NAA15: variants seen among roughly 807,000 people sequenced by gnomAD.
NAA15 encodes the protein N-alpha-acetyltransferase 15, NatA auxiliary subunit.
In NAA15, 34 loss-of-function variants were observed where a neutral mutation model predicts 114.0. That is an observed-to-expected ratio of 0.30 (90% CI 0.23 to 0.40). The LOEUF is 0.40. NAA15 is among the 10% of genes least tolerant of loss of function. The pLI is 1.00. For missense variants in NAA15, 658 were observed against 1,004.5 expected, an observed-to-expected ratio of 0.66 and a Z score of 4.66; for synonymous variants, 340 against 338.0, an observed-to-expected ratio of 1.01 and a Z score of -0.06.
intron 1 of NAA15, among the ~76,000 whole-genome samples, chr4:139,310,410 C>A (rs1205656259): frequency 2.7e-5 from 4 of 148,168 alleles, no homozygotes; most frequent in Non-Finnish European, 6.0e-5. Flanking sequence ...GCCGAGATCC[C>A]GCCACTGCAC....
chr4:139,354,090 A>AC lies in NAA15; in HGVS notation c.1083dup (p.Asn362GlnfsTer2). ...TCTCTAAAAAGCTGCCGGTTATTTA[A>AC]CCCCAATGGTAAGTCCTCAAGTTTT... On this transcript the variant is annotated frameshift_variant, in exon 10 of 20. Transcript: ENST00000296543. LOFTEE classifies it high-confidence loss of function. 6.2e-7 allele frequency: 1 copy of AC among 1,612,910 alleles called. No homozygotes were observed. The highest frequency in any genetic ancestry group is 8.5e-7 in the Non-Finnish European group (1 of 1,179,114).
At chr4:139,383,258 A>C (rs1231001292) in intron 17 of NAA15, among the ~76,000 whole-genome samples, 1 of 152,200 alleles carries the variant, frequency 6.6e-6, no homozygotes, top group Non-Finnish European at 1.5e-5. Flanking sequence ...TTTAGATTAG[A>C]TATCACCCCA....
chr4:139,315,001 T>TTAGGTTAGGTTAGGTTAGGTTAGGTTAGG (rs1181192026), intron 1 of NAA15, among the ~76,000 whole-genome samples: 1 of 74,356 alleles, frequency 1.3e-5, no homozygotes. Flanking sequence ...TTCAGTTCAG[T>TTAGGTTAGGTTAGGTTAGGTTAGGTTAGG]TTAGTTTAGG....
chr4:139,348,340 G>C (rs1560968646), intron 6 of NAA15, among the ~76,000 whole-genome samples: 1 of 151,806 alleles, frequency 6.6e-6, no homozygotes, highest in Non-Finnish European at 1.5e-5. Flanking sequence ...TGTAGTTCCA[G>C]CTACTAGGGA....
At chr4:139,302,135 C>G (rs1381899857) in intron 1 of NAA15, 2 of 330,696 alleles carry the variant, frequency 6.0e-6, no homozygotes, top group East Asian at 9.6e-5. Flanking sequence ...AGAAGAGGCC[C>G]GGCCTTTGGC....
chr4:139,326,871 G>A (rs1470187884), intron 1 of NAA15, among the ~76,000 whole-genome samples: 1 of 152,064 alleles, frequency 6.6e-6, no homozygotes, highest in Non-Finnish European at 1.5e-5. Flanking sequence ...TTTAGTTTAG[G>A]TATGTCATTA....
Position 139,386,249 on chromosome 4 carries a change from T to A in NAA15, c.2400+19T>A. ...CCTCCAGGTAAAGAGTTTTTCATAATCTCTCTGTAAGAATACTTAACTACT... is the reference window on the plus strand; with the variant it reads ...CCTCCAGGTAAAGAGTTTTTCATAAACTCTCTGTAAGAATACTTAACTACT... On this transcript the variant is annotated intron_variant, in intron 19 of 19. Coordinates refer to ENST00000296543, the MANE Select transcript of NAA15 (RefSeq NM_057175.5). 7.1e-7 allele frequency: 1 copy of A among 1,411,520 alleles called. No homozygotes were observed. The highest frequency in any genetic ancestry group is 1.0e-6 in the Non-Finnish European group (1 of 1,004,080). 87.4% of individuals were successfully genotyped at this position (1,411,520 alleles called of 1,614,324 possible).
At chr4:139,352,662 CTTTTTTTTT>C (rs746490411) in intron 9 of NAA15, among the ~76,000 whole-genome samples, 1 of 103,290 alleles carries the variant, frequency 9.7e-6, no homozygotes, top group Non-Finnish European at 1.9e-5. Context: ...CATAAAATAT[CTTTTTTTTT>C]TTTTTTTTTT....
chr4:139,350,334 T>A (rs1747735594), intron 7 of NAA15, among the ~76,000 whole-genome samples: 1 of 152,204 alleles, frequency 6.6e-6, no homozygotes, highest in Non-Finnish European at 1.5e-5. Context: ...AAAGCAAGAA[T>A]AAGCTCTGTG....
intron 1 of NAA15, among the ~76,000 whole-genome samples, chr4:139,315,905 A>G (rs1420480333): frequency 3.4e-5 from 5 of 149,094 alleles, no homozygotes; most frequent in Admixed American, 1.3e-4. Context: ...GGTTTCTTCT[A>G]TTTGGTTTAT....
Position 139,351,222 on chromosome 4 carries a change from G to C in NAA15, c.843G>C (p.Glu281Asp). 1.2e-6 allele frequency: 2 copies of C among 1,603,042 alleles called. No homozygotes were observed. The highest frequency in any genetic ancestry group is 1.7e-6 in the Non-Finnish European group (2 of 1,174,062). ...ANMLERLKIY[E>D]EAWTKYPRGL... ...TGTTAGAACGGCTAAAAATTTATGA[G>C]GAAGCCTGGACTAAATATCCCAGGG... The change falls in exon 8 of 20, where the codon GAG (glutamate) becomes GAC (aspartate). Residue 281 changes from glutamate to aspartate, a missense_variant. Glu to Asp is a conservative substitution (Grantham distance 45, BLOSUM62 2). Coordinates refer to ENST00000296543, the MANE Select transcript of NAA15 (RefSeq NM_057175.5).
intron 10 of NAA15, 114 bp from the exon 11 acceptor site, chr4:139,357,272 T>C: frequency 1.2e-6 from 1 of 853,598 alleles, no homozygotes; most frequent in South Asian, 1.6e-5. Flanking sequence ...GCTAGATACA[T>C]AAATAAACTC....
chr4:139,346,554 A>ATT (rs35062126), intron 6 of NAA15, among the ~76,000 whole-genome samples: 6 of 148,154 alleles, frequency 4.0e-5, no homozygotes, highest in African/African-American at 7.4e-5. Context: ...CAAAAAAAAA[A>ATT]TTTTTTTTTT....
intron 1 of NAA15, 124 bp from the exon 2 acceptor site, chr4:139,334,050 C>T (rs572259958): frequency 1.4e-4 from 81 of 597,892 alleles, no homozygotes; most frequent in South Asian, 4.1e-4. Flanking sequence ...GGCATTTTAC[C>T]GAGATTTAGA....
chr4:139,357,595 A>T (rs1255703314), intron 11 of NAA15, 40 bp downstream of exon 11: 1 of 1,301,598 alleles, frequency 7.7e-7, no homozygotes, highest in Admixed American at 2.4e-5. Flanking sequence ...AGGTAATGAG[A>T]CTTGTCATGA....
intron 1 of NAA15, among the ~76,000 whole-genome samples, chr4:139,321,269 AAT>A (rs1303820258): frequency 2.6e-5 from 4 of 151,922 alleles, no homozygotes; most frequent in Non-Finnish European, 5.9e-5. Context: ...CCATTTTAAA[AAT>A]AGTTTCCATT....
Position 139,342,951 on chromosome 4 carries a change from A to G in NAA15, c.528A>G (p.Lys176=), listed in dbSNP as rs1366535382. ...CAAAGATTTTAGAAGAATTTAGGAA[A>G]ACACAACAGGTAATAACTAGAAGCC... ...MAAKILEEFR[K]TQQTSPDKVD... Residue 176 remains lysine (K), a synonymous_variant, in exon 5 of 20, where the codon AAA becomes AAG. Transcript: ENST00000296543. 2 of 1,612,222 alleles carry G rather than the reference A, an allele frequency of 1.2e-6. No individual in the cohort carries two copies. Among genetic ancestry groups the G allele is most frequent in the Non-Finnish European group, 1.7e-6 (2 of 1,178,720 alleles).
At chr4:139,324,196 G>A (rs187098358) in intron 1 of NAA15, among the ~76,000 whole-genome samples, 6 of 152,204 alleles carry the variant, frequency 3.9e-5, no homozygotes, top group Admixed American at 3.9e-4. Flanking sequence ...ATTATATCCT[G>A]GTTTGCTTCT....
At chr4:139,374,017 T>C (rs1281113959) in intron 15 of NAA15, among the ~76,000 whole-genome samples, 1 of 152,172 alleles carries the variant, frequency 6.6e-6, no homozygotes, top group Non-Finnish European at 1.5e-5. Flanking sequence ...GCATTTTTTT[T>C]CCTGTTGTAT....
Sources: gnomAD v4.1 joint callset for allele counts (sites outside exome capture counted in the v4.1 genomes callset) on GRCh38, gnomAD v4.1.1 for gene constraint, MANE v1.5 for transcripts, NCBI Gene and HGNC (gene_info 2026-07-23, HGNC 2026-07-21) for gene names.